The following C12orf42 variants were observed in gnomAD, a reference collection of about 807,000 sequenced individuals.
C12orf42 encodes the protein uncharacterized protein C12orf42.
In C12orf42, 25 loss-of-function variants were observed where a neutral mutation model predicts 21.6. The observed-to-expected ratio is 1.16, with a 90% CI of 0.84 to 1.62. The LOEUF (loss-of-function observed/expected upper bound fraction) is 1.62, where lower values mean the gene tolerates loss of function less well. Ranked by LOEUF, C12orf42 falls within the 40% of genes most tolerant of loss-of-function variation. C12orf42 has a pLI of 0.00. For synonymous variants in C12orf42, 174 were observed against 175.0 expected (o/e 0.99, Z 0.05); for missense variants, 483 against 459.3 (o/e 1.05, Z -0.47).
At chr12:103,263,808 G>C (rs1040115686), downstream of C12orf42, among the ~76,000 whole-genome samples, 1 of 152,118 alleles carries the variant, frequency 6.6e-6, no homozygotes, top group Non-Finnish European at 1.5e-5. Context: ...AAGGCTGCTT[G>C]GTTAGCAGCA....
chr12:103,302,547 C>T lies in C12orf42; in HGVS notation c.644G>A (p.Arg215Lys), dbSNP rs1235930527. 1 of 1,606,828 alleles carries T rather than the reference C, an allele frequency of 6.2e-7. No homozygotes were observed. The highest frequency in any genetic ancestry group is 8.5e-7 in the Non-Finnish European group (1 of 1,176,702). The change falls in exon 6 of 6, where the codon AGA becomes AAA. Residue 215 changes from arginine to lysine, a missense_variant. Transcript: ENST00000548883. ...GCAGAGGCCGATGGCAGTGGAAGGTCTGGCGGCAGAACCTGGAAGGCAAAG... is the reference window on the plus strand; with the variant it reads ...GCAGAGGCCGATGGCAGTGGAAGGTTTGGCGGCAGAACCTGGAAGGCAAAG... ...SPKKNSGSAA[R>K]PSTAIGLCRR...
intron 4 of C12orf42, among the ~76,000 whole-genome samples, chr12:103,367,550 C>G (rs1023586968): frequency 1.3e-5 from 2 of 151,850 alleles, no homozygotes; most frequent in African/African-American, 4.8e-5. Flanking sequence ...TAAGTGAAGA[C>G]TGAGGTGCAG....
chr12:103,429,491 C>G (rs1483657012), intron 2 of C12orf42, among the ~76,000 whole-genome samples: 3 of 152,166 alleles, frequency 2.0e-5, no homozygotes, highest in African/African-American at 7.2e-5. Flanking sequence ...AATGGAAAAA[C>G]AGTCCATGCT....
rs1254895278 is a variant in C12orf42 at position 103,294,635 on chromosome 12, AGAAG to A, written n.338-17429_338-17426del. Among the ~76,000 whole-genome samples the A allele has an allele frequency of 5.7e-3, 828 of 145,760 alleles. 7 individuals carry two copies. Among genetic ancestry groups the A allele is most frequent in the African/African-American group, 0.015 (594 of 39,332 alleles). On this transcript the variant is annotated intron_variant and non_coding_transcript_variant, in intron 4 of 6. Transcript: ENST00000546526. ...AAGAAAGAAAGAAAGAAAGAAAGAA[AGAAG>A]GAAAAGAAAGAGAAAGAAAGAAAGA...
chr12:103,404,127 T>G (rs2048247445), intron 2 of C12orf42, among the ~76,000 whole-genome samples: 1 of 152,200 alleles, frequency 6.6e-6, no homozygotes, highest in Non-Finnish European at 1.5e-5. Context: ...GTTTTTAAAT[T>G]TTTTATAAAG....
chr12:103,185,886 C>T, the C12orf42 span, among the ~76,000 whole-genome samples: 5 of 152,152 alleles, frequency 3.3e-5, no homozygotes, highest in East Asian at 3.9e-4. Flanking sequence ...TTTCCAGTTT[C>T]GGGTATGTCT....
chr12:103,354,642 A>G (rs1291983424), intron 4 of C12orf42, among the ~76,000 whole-genome samples: 1 of 152,152 alleles, frequency 6.6e-6, no homozygotes, highest in African/African-American at 2.4e-5. Context: ...AGATTGGTAA[A>G]TGCATATAAA....
intron 3 of C12orf42, among the ~76,000 whole-genome samples, chr12:103,384,944 G>A (rs928173179): frequency 6.6e-6 from 1 of 152,128 alleles, no homozygotes; most frequent in Non-Finnish European, 1.5e-5. Flanking sequence ...GCAAATCATG[G>A]TCGTCTGTAG....
chr12:103,369,298 AGAG>A (rs1439177340), intron 3 of C12orf42, among the ~76,000 whole-genome samples: 7 of 152,084 alleles, frequency 4.6e-5, no homozygotes, highest in African/African-American at 1.7e-4. Flanking sequence ...TGGGGATACA[AGAG>A]GAGAAGTCTC....
the C12orf42 span, among the ~76,000 whole-genome samples, chr12:103,127,052 T>C: frequency 6.6e-6 from 1 of 152,226 alleles, no homozygotes; most frequent in Non-Finnish European, 1.5e-5. Context: ...AGATTTAAAA[T>C]ATTGCTAACA....
chr12:103,188,251 T>C, the C12orf42 span, among the ~76,000 whole-genome samples: 3 of 152,344 alleles, frequency 2.0e-5, no homozygotes, highest in African/African-American at 7.2e-5. Flanking sequence ...TTTATTTTTT[T>C]GGCAATGTCT....
the C12orf42 span, among the ~76,000 whole-genome samples, chr12:103,512,172 T>C: frequency 4.8e-3 from 730 of 152,294 alleles, 6 homozygotes; most frequent in African/African-American, 0.017. Context: ...TGGTTCCCTT[T>C]AAGGAAATAT....
intron 3 of C12orf42, among the ~76,000 whole-genome samples, chr12:103,375,411 G>C (rs1032032844): frequency 8.5e-5 from 13 of 152,112 alleles, no homozygotes; most frequent in Admixed American, 7.2e-4. Context: ...AGGGACAGTT[G>C]TATCAGTAAA....
chr12:103,328,410 C>T (rs544164185), intron 4 of C12orf42, among the ~76,000 whole-genome samples: 1 of 152,062 alleles, frequency 6.6e-6, no homozygotes, highest in Non-Finnish European at 1.5e-5. Flanking sequence ...ATATTAGTTG[C>T]TGAGCAGATA....
intron 10 of C12orf42, among the ~76,000 whole-genome samples, chr12:103,251,296 A>G (rs957655434): frequency 6.6e-6 from 1 of 152,034 alleles, no homozygotes; most frequent in African/African-American, 2.4e-5. Flanking sequence ...GATCTCTACA[A>G]GCTTTGATTT....
At chr12:103,118,547 C>T in the C12orf42 span, among the ~76,000 whole-genome samples, 1 of 151,676 alleles carries the variant, frequency 6.6e-6, no homozygotes, top group Non-Finnish European at 1.5e-5. Context: ...GCCTGTAATC[C>T]CAGCACTTTG....
chr12:103,362,244 C>A (rs994712669), intron 4 of C12orf42, among the ~76,000 whole-genome samples: 1 of 152,062 alleles, frequency 6.6e-6, no homozygotes, highest in Admixed American at 6.6e-5. Flanking sequence ...GTGGCTAGAT[C>A]CAGAAGAGAA....
At chr12:103,173,518 T>G in the C12orf42 span, among the ~76,000 whole-genome samples, 5 of 152,120 alleles carry the variant, frequency 3.3e-5, no homozygotes, top group African/African-American at 1.2e-4. Flanking sequence ...CTTACCAAGT[T>G]TTTCATGCAG....
the C12orf42 span, among the ~76,000 whole-genome samples, chr12:103,168,830 A>G: frequency 6.6e-6 from 1 of 152,194 alleles, no homozygotes; most frequent in Admixed American, 6.5e-5. Context: ...CTATGCAGCC[A>G]TAAAAAAGAA....
Sources: allele counts gnomAD v4.1 joint callset (sites outside exome capture counted in the v4.1 genomes callset), GRCh38; gene constraint gnomAD v4.1.1; transcripts MANE v1.5; gene names NCBI Gene and HGNC (gene_info 2026-07-23, HGNC 2026-07-21).